Variants in CCDC171 observed in about 807,000 individuals in gnomAD.
The protein encoded by CCDC171 is coiled-coil domain-containing protein 171.
In CCDC171, 177 loss-of-function variants were observed where a neutral mutation model predicts 168.2. The ratio of observed to expected loss-of-function variants is 1.05; its 90% confidence interval spans 0.93 to 1.19. The LOEUF is 1.19. Ranked by LOEUF, CCDC171 falls within the 50% of genes most tolerant of loss-of-function variation. CCDC171 has a pLI of 0.00. For synonymous variants in CCDC171, 687 were observed against 540.8 expected (o/e 1.27, Z -3.75); for missense variants, 1,991 against 1,539.0 (o/e 1.29, Z -4.91).
At chr9:15,565,334 C>T (rs1026991628) in intron 2 of CCDC171, among the ~76,000 whole-genome samples, 2 of 152,148 alleles carry the variant, frequency 1.3e-5, no homozygotes, top group East Asian at 1.9e-4. Context: ...AAACTTCTTA[C>T]CACATCAATG....
intron 6 of CCDC171, among the ~76,000 whole-genome samples, chr9:15,612,433 T>C (rs1172826578): frequency 6.6e-6 from 1 of 152,198 alleles, no homozygotes; most frequent in African/African-American, 2.4e-5. Flanking sequence ...ATTTAAGTGG[T>C]GTTTTAGGAG....
intron 3 of CCDC171, among the ~76,000 whole-genome samples, chr9:15,991,319 C>T (rs1040739262): frequency 2.6e-5 from 4 of 152,064 alleles, no homozygotes; most frequent in South Asian, 2.1e-4. Flanking sequence ...AAACCTGCTT[C>T]TGAATGACTA....
At chr9:15,707,044 G>A (rs369693805) in intron 11 of CCDC171, among the ~76,000 whole-genome samples, 32 of 152,098 alleles carry the variant, frequency 2.1e-4, no homozygotes, top group African/African-American at 7.7e-4. Context: ...AATTGTTCTT[G>A]TGAACCTTGT....
chr9:15,834,829 A>G (rs1323680154), intron 21 of CCDC171, among the ~76,000 whole-genome samples: 1 of 152,246 alleles, frequency 6.6e-6, no homozygotes, highest in Non-Finnish European at 1.5e-5. Context: ...GAAAATCACT[A>G]TGATAGATGA....
At chr9:15,724,652 G>T (rs2053682936) in intron 13 of CCDC171, 124 bp from the exon 14 acceptor site, 2 of 632,834 alleles carry the variant, frequency 3.2e-6, no homozygotes, top group Non-Finnish European at 5.7e-6. Context: ...ACAAATGCTT[G>T]CCTGCCTTTG....
At chr9:15,869,164 G>A (rs888647020) in intron 23 of CCDC171, among the ~76,000 whole-genome samples, 3 of 151,958 alleles carry the variant, frequency 2.0e-5, no homozygotes, top group Non-Finnish European at 4.4e-5. Flanking sequence ...AATATGGGGG[G>A]CCAACTGAAC....
At position 15,695,455 on chromosome 9, in the gene CCDC171, C is replaced by G. The variant is rs1401325177; in HGVS notation, c.1318+118C>G. On this transcript the variant is annotated intron_variant, in intron 11 of 25. Transcript: ENST00000380701. ...ATCTCAACATGTTTTGATTTGATGA[C>G]ATGATAAGAGCAGTTCTCACAGCAG... 8 of 784,918 alleles carry G rather than the reference C, an allele frequency of 1.0e-5. No individual in the cohort carries two copies. In the African/African-American group the frequency reaches 1.4e-4, roughly 13 times the overall value. The allele number at this position is 784,918 out of a possible 1,614,324, so 48.6% of individuals were successfully genotyped here.
chr9:15,702,975 C>T (rs1408543709), intron 11 of CCDC171, among the ~76,000 whole-genome samples: 1 of 151,354 alleles, frequency 6.6e-6, no homozygotes, highest in Non-Finnish European at 1.5e-5. Flanking sequence ...GCGATCTCTG[C>T]TCACTGCAAC....
At chr9:15,792,823 G>C (rs1163306953) in intron 21 of CCDC171, among the ~76,000 whole-genome samples, 13 of 152,084 alleles carry the variant, frequency 8.5e-5, no homozygotes, top group Non-Finnish European at 1.9e-4. Flanking sequence ...CCTGAAGGAA[G>C]CACTAAACAT....
intron 4 of CCDC171, among the ~76,000 whole-genome samples, chr9:15,579,396 A>C (rs1401246001): frequency 6.6e-6 from 1 of 152,180 alleles, no homozygotes; most frequent in African/African-American, 2.4e-5. Context: ...TAGCTTGAGA[A>C]TCTATATGTT....
At chr9:16,073,054 A>C in the CCDC171 span, among the ~76,000 whole-genome samples, 1 of 152,194 alleles carries the variant, frequency 6.6e-6, no homozygotes, top group Non-Finnish European at 1.5e-5. Context: ...TTTTAGTCAA[A>C]TCTGTTTCAT....
intron 7 of CCDC171, among the ~76,000 whole-genome samples, chr9:15,646,006 G>A (rs2132648052): frequency 6.6e-6 from 1 of 152,280 alleles, no homozygotes; most frequent in African/African-American, 2.4e-5. Flanking sequence ...AGAAAGGTCG[G>A]GTTACCCACA....
Position 15,768,979 on chromosome 9 carries a change from C to T in CCDC171, c.2672-8621C>T, listed in dbSNP as rs189737609. Among the ~76,000 whole-genome samples the T allele has an allele frequency of 6.6e-5, 10 of 152,312 alleles. No homozygotes were observed. In the East Asian group the frequency reaches 1.5e-3, roughly 24 times the overall value. On this transcript the variant is annotated intron_variant, in intron 18 of 25. Transcript: ENST00000380701. ...TTCTCATCTGTTTGTACAGTCTCAC[C>T]TCCCAATGCTGTCCATAATAAACCT... is the stretch of plus-strand genomic sequence containing the variant.
intron 25 of CCDC171, among the ~76,000 whole-genome samples, chr9:15,939,336 G>A (rs1462918492): frequency 1.3e-5 from 2 of 151,390 alleles, no homozygotes; most frequent in Non-Finnish European, 3.0e-5. Context: ...TAGAAATATG[G>A]TATTTATCCT....
At chr9:16,078,962 C>A in the CCDC171 span, among the ~76,000 whole-genome samples, 15 of 152,198 alleles carry the variant, frequency 9.9e-5, no homozygotes, top group Non-Finnish European at 1.6e-4. Flanking sequence ...TTGAAGGGGT[C>A]ACCACTAGAT....
chr9:15,884,175 G>A (rs1005228058), intron 24 of CCDC171, among the ~76,000 whole-genome samples: 6 of 152,026 alleles, frequency 3.9e-5, no homozygotes, highest in African/African-American at 1.4e-4. Context: ...TATTTTCTGT[G>A]ACCCCTTGAC....
intron 11 of CCDC171, among the ~76,000 whole-genome samples, chr9:15,718,186 A>C: frequency 6.6e-6 from 1 of 152,216 alleles, no homozygotes; most frequent in East Asian, 1.9e-4. Flanking sequence ...GAGCCTTGGC[A>C]GTAGCCTGGA....
intron 8 of CCDC171, among the ~76,000 whole-genome samples, chr9:15,662,150 G>T (rs1161856247): frequency 6.6e-6 from 1 of 152,058 alleles, no homozygotes; most frequent in Non-Finnish European, 1.5e-5. Context: ...GGTGGCGCAT[G>T]CCTGTAGTCC....
At chr9:15,788,279 A>G (rs2058071261) in intron 21 of CCDC171, among the ~76,000 whole-genome samples, 2 of 152,242 alleles carry the variant, frequency 1.3e-5, no homozygotes, top group Admixed American at 6.5e-5. Flanking sequence ...TGCAGAAATA[A>G]GGATAATGAT....
Sources: gnomAD v4.1 joint callset for allele counts (sites outside exome capture counted in the v4.1 genomes callset) on GRCh38, gnomAD v4.1.1 for gene constraint, MANE v1.5 for transcripts, NCBI Gene and HGNC (gene_info 2026-07-23, HGNC 2026-07-21) for gene names.